SLX4: variants seen among roughly 807,000 people sequenced by gnomAD.
SLX4 encodes structure-specific endonuclease subunit SLX4.
Under a neutral mutation model 146.2 loss-of-function variants are expected in SLX4, and 112 were observed. The ratio of observed to expected loss-of-function variants is 0.77; its 90% CI spans 0.66 to 0.90. The LOEUF (loss-of-function observed/expected upper bound fraction) is 0.90. Ranked by LOEUF, SLX4 falls within the 40% of genes least tolerant of loss-of-function variation. The probability of loss-of-function intolerance (pLI) is 0.00; values close to 1 mark genes in which losing one functional copy is unlikely to be tolerated. For missense variants in SLX4, 2,563 were observed against 2,392.7 expected (o/e 1.07, Z -1.49); for synonymous variants, 1,061 against 997.7 (o/e 1.06, Z -1.20).
intron 12 of SLX4, among the ~76,000 whole-genome samples, chr16:3,586,103 C>T (rs147629166): frequency 2.4e-4 from 36 of 152,254 alleles, no homozygotes; most frequent in African/African-American, 8.2e-4. Context: ...CCTCACAATG[C>T]TAAACACAGT....
intron 5 of SLX4, among the ~76,000 whole-genome samples, chr16:3,598,625 G>A (rs2040693555): frequency 6.6e-6 from 1 of 152,206 alleles, no homozygotes; most frequent in Non-Finnish European, 1.5e-5. Context: ...CAATAAGCTG[G>A]GCAAGAAGGA....
chr16:3,596,916 C>T (rs1320731624), intron 7 of SLX4, among the ~76,000 whole-genome samples: 3 of 151,924 alleles, frequency 2.0e-5, no homozygotes, highest in African/African-American at 7.3e-5. Flanking sequence ...TCCGCCTCCC[C>T]GGTTCAAGCG....
chr16:3,600,304 G>A (rs550630743), intron 5 of SLX4, among the ~76,000 whole-genome samples: 1 of 152,308 alleles, frequency 6.6e-6, no homozygotes, highest in African/African-American at 2.4e-5. Flanking sequence ...GTGTGGCCAG[G>A]TTCCTAACAG....
chr16:3,606,164 T>C (rs1321466567), intron 3 of SLX4, among the ~76,000 whole-genome samples: 5 of 151,082 alleles, frequency 3.3e-5, no homozygotes, highest in Non-Finnish European at 5.9e-5. Context: ...GGCAAGATAA[T>C]TGCTTGAACC....
At position 3,597,063 on chromosome 16, in the gene SLX4, C is replaced by T. The variant is rs1033371997; in HGVS notation, c.1683+316G>A. On this transcript the variant is annotated intron_variant, in intron 7 of 14. Coordinates refer to ENST00000294008, the MANE Select transcript of SLX4 (RefSeq NM_032444.4). This position sits in a 1 kb window ranked among gnomAD's most constrained non-coding sequence, Gnocchi z 4.4. The stretch of plus-strand genomic sequence containing the variant: ...GTCTCGAACTCCTGACCTCGTGATC[C>T]GCCCACCTCAGCCTCCCAAAGTGCA... 5.9e-5 allele frequency among the ~76,000 whole-genome samples: 9 copies of T among 152,098 alleles called. No individual in the cohort carries two copies. Among genetic ancestry groups the T allele is most frequent in the South Asian group, 2.1e-4 (1 of 4,822 alleles).
chr16:3,608,952 C>T lies in SLX4; in HGVS notation c.13G>A (p.Val5Met), dbSNP rs750091754. 8.1e-6 allele frequency: 13 copies of T among 1,613,286 alleles called. No homozygotes were observed. Among genetic ancestry groups the T allele is most frequent in the Middle Eastern group, 1.7e-4 (1 of 6,012 alleles). Reference protein sequence around the residue: MKLSVNEAQLGFYLG... With the variant: MKLSMNEAQLGFYLG... ...TAGAAGCCTAGCTGAGCCTCATTCA[C>T]ACTCAGTTTCATTAGGGTTCTTCTC... Residue 5 changes from valine to methionine, a missense_variant, in exon 2 of 15, where the codon GTG becomes ATG. Coordinates refer to ENST00000294008, the MANE Select transcript of SLX4 (RefSeq NM_032444.4).
intron 12 of SLX4, among the ~76,000 whole-genome samples, chr16:3,585,474 T>C (rs1401035270): frequency 6.6e-6 from 1 of 150,992 alleles, no homozygotes; most frequent in Admixed American, 6.6e-5. Context: ...TAGTCCCAGC[T>C]GCTTGGGAGG....
Position 3,595,461 on chromosome 16 carries a change from G to T in SLX4, c.2013+144C>A. 9 of 875,644 alleles carry T rather than the reference G, an allele frequency of 1.0e-5. No individual in the cohort carries two copies. The South Asian group carries it at 1.3e-4, about 13-fold the overall frequency. 54.2% of individuals were successfully genotyped at this position (875,644 alleles called of 1,614,324 possible). On this transcript the variant is annotated intron_variant, in intron 9 of 14. Coordinates refer to ENST00000294008, the MANE Select transcript of SLX4 (RefSeq NM_032444.4). ...TGGCTCTGCTCACGGATGTCAGGAT[G>T]TGGCAGCCTTCTGGAAAGCAGAGGC...
In SLX4 at chr16:3,597,421, C is replaced by T. The variant is rs200497436; in HGVS notation, c.1641G>A (p.Thr547=). 7.2e-5 allele frequency: 115 copies of T among 1,604,154 alleles called. No homozygotes were observed. Among genetic ancestry groups the T allele is most frequent in the African/African-American group, 1.5e-4 (11 of 74,956 alleles). ...TGAWAMEDFY[T]ARLVPPLVPQ... ...GCACGAGAGGAGGGACCAGCCTGGC[C>T]GTGTAGAAGTCCTCCATGGCCCAGG... The change falls in exon 7 of 15, where the codon ACG becomes ACA. Residue 547 remains threonine, a synonymous_variant. Transcript: ENST00000294008. The surrounding 1 kb of genome is among the most constrained non-coding windows in gnomAD (Gnocchi z 4.4).
At chr16:3,598,056 G>A in intron 5 of SLX4, 57 bp from the exon 6 acceptor site, 3 of 1,604,658 alleles carry the variant, frequency 1.9e-6, no homozygotes, top group Non-Finnish European at 2.6e-6. Context: ...CGCTTCTCAG[G>A]TTGGTCACAC....
intron 3 of SLX4, among the ~76,000 whole-genome samples, chr16:3,603,507 C>T (rs753634714): frequency 1.6e-4 from 25 of 152,324 alleles, no homozygotes; most frequent in African/African-American, 2.2e-4. Flanking sequence ...ACTGATGCCT[C>T]GGCAGGACAT....
Position 3,597,093 on chromosome 16 carries a change from T to A in SLX4, c.1683+286A>T, listed in dbSNP as rs1257184707. Among the ~76,000 whole-genome samples, 1 of 152,174 alleles carries A rather than the reference T, an allele frequency of 6.6e-6. No individual in the cohort carries two copies. The highest frequency in any genetic ancestry group is 2.4e-5 in the African/African-American group (1 of 41,448). ...ACCTCAGCCTCCCAAAGTGCAGGGATTACGGGCGTGAGCCACTGCGCCCGG... is the reference window on the plus strand; with the variant it reads ...ACCTCAGCCTCCCAAAGTGCAGGGAATACGGGCGTGAGCCACTGCGCCCGG... On this transcript the variant is annotated intron_variant, in intron 7 of 14. Coordinates refer to ENST00000294008, the MANE Select transcript of SLX4 (RefSeq NM_032444.4). This position sits in a 1 kb window ranked among gnomAD's most constrained non-coding sequence, Gnocchi z 4.4.
At position 3,602,165 on chromosome 16, in the gene SLX4, C is replaced by G. The variant is rs1227873859; in HGVS notation, c.903G>C (p.Lys301Asn). 1 of 1,614,028 alleles carries G rather than the reference C, an allele frequency of 6.2e-7. No homozygotes were observed. The highest frequency in any genetic ancestry group is 8.5e-7 in the Non-Finnish European group (1 of 1,180,036). ...GGGTCACGTTCATGGCTGAGAGGTT[C>G]TTTTGACAAATCTGGCAGAAGAACA... is the stretch of plus-strand genomic sequence containing the variant. ...KGLFFCQICQ[K>N]NLSAMNVTRR... The change falls in exon 4 of 15, where the codon AAG (lysine) becomes AAC (asparagine). Residue 301 changes from lysine (K) to asparagine (N), a missense_variant. By Grantham distance (94) the Lys-to-Asn change is moderately conservative (BLOSUM62 0). Transcript: ENST00000294008.
At position 3,606,480 on chromosome 16, in the gene SLX4, C is replaced by A; in HGVS notation, c.754G>T (p.Gly252Trp). 6.2e-7 allele frequency: 1 copy of A among 1,614,164 alleles called. No individual in the cohort carries two copies. ...PKDPQEEMMA[G>W]NVYGLGPPAP... ...AGAAACACACTCATCATACCATTCC[C>A]CGCCATCATCTCCTCTTGAGGATCC... Residue 252 changes from glycine to tryptophan, a missense_variant, in exon 3 of 15, where the codon GGG (glycine) becomes TGG (tryptophan). By Grantham distance (184) the Gly-to-Trp change is radical. Coordinates refer to ENST00000294008, the MANE Select transcript of SLX4 (RefSeq NM_032444.4).
At chr16:3,586,091 T>C (rs903737916) in intron 12 of SLX4, among the ~76,000 whole-genome samples, 1 of 152,146 alleles carries the variant, frequency 6.6e-6, no homozygotes, top group African/African-American at 2.4e-5. Context: ...AGTCTCGCAG[T>C]TCCTCACAAT....
Position 3,596,139 on chromosome 16 carries a change from A to G in SLX4, c.1924+14T>C. ...AGGGCAGGGCTGGCCCTAGAGTCCC[A>G]CCCAGCATCTCACCTGCAGTCCCTT... is the stretch of plus-strand genomic sequence containing the variant. On this transcript the variant is annotated intron_variant, in intron 8 of 14. Transcript: ENST00000294008. 6.5e-7 allele frequency: 1 copy of G among 1,547,154 alleles called. No individual in the cohort carries two copies. The highest frequency in any genetic ancestry group is 8.7e-7 in the Non-Finnish European group (1 of 1,148,314).
chr16:3,602,497 G>C (rs1438813722), intron 3 of SLX4, among the ~76,000 whole-genome samples, 190 bp from the exon 4 acceptor site: 2 of 152,168 alleles, frequency 1.3e-5, no homozygotes. Context: ...AGCACTCCGG[G>C]AACAGCCGTC....
chr16:3,594,351 G>T (rs559632389), intron 10 of SLX4, 102 bp downstream of exon 10: 65 of 1,470,442 alleles, frequency 4.4e-5, no homozygotes, highest in Non-Finnish European at 5.8e-5. Context: ...AGAGTGGGGG[G>T]GTGGAAAGGG....
At position 3,589,126 on chromosome 16, in the gene SLX4, G is replaced by T; in HGVS notation, c.4512C>A (p.Ser1504Arg). Residue 1504 changes from serine to arginine, a missense_variant, in exon 12 of 15, where the codon AGC becomes AGA. Ser to Arg is a moderately radical substitution (Grantham distance 110). Coordinates refer to ENST00000294008, the MANE Select transcript of SLX4 (RefSeq NM_032444.4). The surrounding 1 kb of genome is among the most constrained non-coding windows in gnomAD (Gnocchi z 6.2). ...CGTCCCACAGAGCCGAATTCAGAAA[G>T]CTCGGCCTGCTATTCCCCAGGGAGC... ...GAGSLGNSRP[S>R]FLNSALWDVW... is the part of the protein sequence containing the mutation. 6.2e-7 allele frequency: 1 copy of T among 1,614,096 alleles called. No individual in the cohort carries two copies. The highest frequency in any genetic ancestry group is 8.5e-7 in the Non-Finnish European group (1 of 1,180,002).
Sources: allele counts gnomAD v4.1 joint callset (sites outside exome capture counted in the v4.1 genomes callset), GRCh38; gene constraint gnomAD v4.1.1; non-coding constraint Gnocchi (gnomAD v3.1); transcripts MANE v1.5; gene names NCBI Gene and HGNC (gene_info 2026-07-23, HGNC 2026-07-21).